PCDH11X: variants seen among roughly 807,000 people sequenced by gnomAD.
PCDH11X encodes protocadherin-11 X-linked.
In PCDH11X, 18 loss-of-function variants were observed where a neutral mutation model predicts 53.3. The ratio of observed to expected loss-of-function variants is 0.34; its 90% CI spans 0.23 to 0.50. The LOEUF is 0.50. PCDH11X is among the 20% of genes least tolerant of loss of function. PCDH11X has a pLI of 0.98. For synonymous variants in PCDH11X, 279 were observed against 393.3 expected (o/e 0.71, Z 3.44); for missense variants, 570 against 1,032.4 (o/e 0.55, Z 6.14).
At chrX:92,022,998 T>C (rs772872407) in intron 6 of PCDH11X, among the ~76,000 whole-genome samples, 1 of 110,604 alleles carries the variant, frequency 9.0e-6, no homozygotes, top group African/African-American at 3.3e-5. Flanking sequence ...TACCAGAATC[T>C]CTTGGACACA....
intron 9 of PCDH11X, among the ~76,000 whole-genome samples, chrX:92,432,884 T>C (rs907735688): frequency 9.1e-6 from 1 of 110,427 alleles, no homozygotes; most frequent in African/African-American, 3.3e-5. Context: ...TTTTTTATTT[T>C]TATGTTTTAA....
intron 8 of PCDH11X, among the ~76,000 whole-genome samples, chrX:92,327,983 C>G (rs2069376942): frequency 9.7e-6 from 1 of 103,256 alleles, no homozygotes; most frequent in Admixed American, 1.1e-4. Context: ...GTAATGAAAT[C>G]ATTTGAAATT....
intron 6 of PCDH11X, among the ~76,000 whole-genome samples, chrX:91,970,061 G>A (rs1319535642): frequency 1.8e-5 from 2 of 111,110 alleles, no homozygotes; most frequent in South Asian, 3.8e-4. Context: ...GAGTGTTACA[G>A]CTCATAAAGG....
intron 6 of PCDH11X, among the ~76,000 whole-genome samples, chrX:91,892,011 G>A (rs1403221776): frequency 2.9e-5 from 2 of 68,762 alleles, no homozygotes; most frequent in African/African-American, 1.2e-4. Flanking sequence ...ATAATTAGAG[G>A]GGTGTGTGTG....
chrX:92,253,441 T>C (rs2067499330), intron 7 of PCDH11X, among the ~76,000 whole-genome samples: 2 of 105,908 alleles, frequency 1.9e-5, no homozygotes, highest in Admixed American at 9.7e-5. Flanking sequence ...TGGTTCCATA[T>C]AAATTTTAGA....
At chrX:92,020,700 G>T (rs1195704630) in intron 6 of PCDH11X, among the ~76,000 whole-genome samples, 3 of 110,815 alleles carry the variant, frequency 2.7e-5, no homozygotes, top group Non-Finnish European at 5.7e-5. Flanking sequence ...CAGTCAAAGT[G>T]CTTTGTTAAA....
chrX:91,899,814 TAAC>T (rs1163797628), intron 6 of PCDH11X, among the ~76,000 whole-genome samples: 5 of 110,998 alleles, frequency 4.5e-5, no homozygotes, highest in Non-Finnish European at 9.5e-5. Flanking sequence ...AACATGTTCT[TAAC>T]AAAATAAGGA....
chrX:92,408,133 T>C (rs2071563318), intron 9 of PCDH11X, among the ~76,000 whole-genome samples: 3 of 110,915 alleles, frequency 2.7e-5, no homozygotes, highest in African/African-American at 6.6e-5. Flanking sequence ...TCCATCCACC[T>C]CGGCCTCACA....
intron 6 of PCDH11X, among the ~76,000 whole-genome samples, chrX:92,027,574 C>T (rs1004199723): frequency 9.2e-6 from 1 of 109,129 alleles, no homozygotes; most frequent in Non-Finnish European, 1.9e-5. Context: ...AAAGTAATAC[C>T]GTATCACTCT....
intron 5 of PCDH11X, among the ~76,000 whole-genome samples, chrX:91,843,719 T>TTA (rs1937568355): frequency 9.0e-6 from 1 of 110,594 alleles, no homozygotes. Context: ...AGTTAAAATT[T>TTA]TATATCTATT....
intron 9 of PCDH11X, among the ~76,000 whole-genome samples, chrX:92,408,417 TAGA>T (rs1445184113): frequency 2.8e-5 from 3 of 107,130 alleles, no homozygotes; most frequent in Non-Finnish European, 5.8e-5. Context: ...TTCATAGAGT[TAGA>T]TGCATCTGAA....
rs776264800 is a variant in PCDH11X at position 92,508,547 on chromosome X, C to T, written c.3367+40225C>T. ...AACCACAGGACCTTCTTAATACTAACACATTACAGCCCTTTCAAAATTTAT... is the reference window on the plus strand; with the variant it reads ...AACCACAGGACCTTCTTAATACTAATACATTACAGCCCTTTCAAAATTTAT... On this transcript the variant is annotated intron_variant, in intron 10 of 10. Transcript: ENST00000682573. 3.6e-5 allele frequency among the ~76,000 whole-genome samples: 4 copies of T among 111,500 alleles called. No individual in the cohort carries two copies. The East Asian group carries it at 1.1e-3, about 31-fold the overall frequency.
chrX:91,916,332 G>C (rs1331561932), intron 6 of PCDH11X, among the ~76,000 whole-genome samples: 1 of 110,160 alleles, frequency 9.1e-6, no homozygotes, highest in African/African-American at 3.3e-5. Flanking sequence ...GAAGACCAGA[G>C]CTGAACTATA....
intron 8 of PCDH11X, among the ~76,000 whole-genome samples, chrX:92,321,216 G>A (rs1223797923): frequency 1.1e-5 from 1 of 89,139 alleles, no homozygotes; most frequent in Non-Finnish European, 2.1e-5. Flanking sequence ...TTTTTGAGAT[G>A]GAGTCTCGCT....
At chrX:92,528,516 C>T (rs918915307) in intron 10 of PCDH11X, among the ~76,000 whole-genome samples, 9 of 111,224 alleles carry the variant, frequency 8.1e-5, no homozygotes, top group African/African-American at 2.6e-4. Flanking sequence ...TGGTCTCGAA[C>T]TCCCGACCTC....
At chrX:91,970,490 G>A (rs113756324) in intron 6 of PCDH11X, among the ~76,000 whole-genome samples, 2,529 of 111,206 alleles carry the variant, frequency 0.023, 62 homozygotes, top group African/African-American at 0.077. Context: ...TGATTGGTGC[G>A]TGTACAAACC....
At chrX:91,837,652 T>C (rs1937351753) in intron 5 of PCDH11X, among the ~76,000 whole-genome samples, 2 of 111,741 alleles carry the variant, frequency 1.8e-5, no homozygotes, top group African/African-American at 3.3e-5. Context: ...CATACCTGCA[T>C]AGAAGATTTT....
intron 6 of PCDH11X, among the ~76,000 whole-genome samples, chrX:91,996,140 CTTTT>C (rs753881311): frequency 2.0e-4 from 13 of 66,603 alleles, no homozygotes; most frequent in East Asian, 1.1e-3. Context: ...CACGCCTGGC[CTTTT>C]TTTTTTTTTT....
chrX:92,361,700 G>A (rs989587390), intron 8 of PCDH11X, among the ~76,000 whole-genome samples: 1 of 107,511 alleles, frequency 9.3e-6, no homozygotes, highest in African/African-American at 3.4e-5. Flanking sequence ...TAGTTTTTAA[G>A]TATACAGTTC....
Sources: allele counts gnomAD v4.1 joint callset (sites outside exome capture counted in the v4.1 genomes callset), GRCh38; gene constraint gnomAD v4.1.1; transcripts MANE v1.5; gene names NCBI Gene and HGNC (gene_info 2026-07-23, HGNC 2026-07-21).